RIMKLB: variants seen among roughly 807,000 people sequenced by gnomAD.
RIMKLB encodes the protein beta-citrylglutamate synthase B.
A neutral mutation model predicts 32.0 loss-of-function variants in RIMKLB; 7 were observed. The ratio of observed to expected loss-of-function variants is 0.22; its 90% CI spans 0.12 to 0.41. The LOEUF (loss-of-function observed/expected upper bound fraction) is 0.41. Ranked by LOEUF, RIMKLB falls within the 10% of genes least tolerant of loss-of-function variation. The pLI, the probability that RIMKLB is intolerant of heterozygous loss-of-function variation, is 1.00. For missense variants in RIMKLB, 289 were observed against 498.7 expected (o/e 0.58, Z 4.00); for synonymous variants, 172 against 185.1 (o/e 0.93, Z 0.57).
At chr12:8,669,404 G>T in the RIMKLB span, among the ~76,000 whole-genome samples, 1 of 151,614 alleles carries the variant, frequency 6.6e-6, no homozygotes, top group East Asian at 1.9e-4. Context: ...GATTTGGAGG[G>T]GCCAAACCAT....
chr12:8,670,196 C>G, the RIMKLB span, among the ~76,000 whole-genome samples: 2 of 152,088 alleles, frequency 1.3e-5, no homozygotes, highest in Admixed American at 6.6e-5. Flanking sequence ...CATGTCCTCA[C>G]ATTTCAGAAC....
At chr12:8,689,024 CAG>C (rs1171646983) in intron 1 of RIMKLB, among the ~76,000 whole-genome samples, 6 of 152,118 alleles carry the variant, frequency 3.9e-5, no homozygotes, top group Non-Finnish European at 1.5e-5. Context: ...TTAGTAGAGA[CAG>C]GGTTTCGCCA....
the RIMKLB span, among the ~76,000 whole-genome samples, chr12:8,675,392 C>T: frequency 6.6e-6 from 1 of 152,050 alleles, no homozygotes; most frequent in Non-Finnish European, 1.5e-5. Context: ...CTTCTGTTTA[C>T]TCTTAAGTGC....
chr12:8,701,816 C>T (rs1943426921), intron 1 of RIMKLB, among the ~76,000 whole-genome samples: 1 of 151,594 alleles, frequency 6.6e-6, no homozygotes, highest in Admixed American at 6.6e-5. Flanking sequence ...ACCAGCCTGG[C>T]CAAAATGGCA....
chr12:8,704,248 C>T (rs973040584), intron 1 of RIMKLB, among the ~76,000 whole-genome samples: 5 of 151,738 alleles, frequency 3.3e-5, no homozygotes, highest in African/African-American at 1.2e-4. Flanking sequence ...CCGGGTGTGG[C>T]GGTGTGTGCT....
chr12:8,774,514 T>C lies in RIMKLB; in HGVS notation c.*730T>C, dbSNP rs1213611678. 1.0e-6 allele frequency: 1 copy of C among 981,524 alleles called. No homozygotes were observed. The highest frequency in any genetic ancestry group is 6.2e-5 in the Admixed American group (1 of 16,246). The allele number at this position is 981,524 out of a possible 1,614,324, so 60.8% of individuals were successfully genotyped here. On this transcript the variant is annotated 3_prime_UTR_variant, in exon 6 of 6. Transcript: ENST00000535829. ...ATTACACTAGTTTAAAATATGTGCA[T>C]TCACTTGTATTTGTTAGTGTTTTAG...
At chr12:8,710,403 G>A (rs144969564) in intron 1 of RIMKLB, among the ~76,000 whole-genome samples, 3,817 of 150,454 alleles carry the variant, frequency 0.025, 81 homozygotes, top group Non-Finnish European at 0.035. Flanking sequence ...CGCCTCCTGG[G>A]TTCAAGCGAT....
intron 1 of RIMKLB, among the ~76,000 whole-genome samples, chr12:8,705,883 C>G (rs996096342): frequency 6.6e-6 from 1 of 152,106 alleles, no homozygotes; most frequent in African/African-American, 2.4e-5. Context: ...GGAAGAGTTC[C>G]TCCTCAGTTT....
Position 8,775,430 on chromosome 12 carries a change from A to T in RIMKLB, c.*1646A>T, listed in dbSNP as rs1027132721. The T allele has an allele frequency of 1.0e-6, 1 of 985,566 alleles. No homozygotes were observed. The highest frequency in any genetic ancestry group is 1.2e-6 in the Non-Finnish European group (1 of 829,902). The allele number at this position is 985,566 out of a possible 1,614,324, so 61.1% of individuals were successfully genotyped here. A position where few individuals can be genotyped will look rare whatever the true frequency, so the allele number is the denominator to read the frequency against. ...TTGGATGGTATGTTAAGAAATGGAG[A>T]TGCTGCAGAGCCCAACGTAATTTTT... On this transcript the variant is annotated 3_prime_UTR_variant, in exon 6 of 6. Coordinates refer to ENST00000535829, the MANE Select transcript of RIMKLB (RefSeq NM_001297776.2).
downstream of RIMKLB, among the ~76,000 whole-genome samples, chr12:8,781,342 CAAAT>C (rs1951019757): frequency 1.3e-5 from 2 of 152,154 alleles, no homozygotes; most frequent in African/African-American, 4.8e-5. Flanking sequence ...AACTCCATCT[CAAAT>C]AAATAAAAAT....
intron 1 of RIMKLB, among the ~76,000 whole-genome samples, chr12:8,701,104 C>T (rs1438634011): frequency 6.6e-6 from 1 of 151,974 alleles, no homozygotes; most frequent in Non-Finnish European, 1.5e-5. Flanking sequence ...TTATTAGAAT[C>T]TGAGGGAGGA....
chr12:8,684,738 G>A (rs1425900077), intron 1 of RIMKLB, among the ~76,000 whole-genome samples: 6 of 152,014 alleles, frequency 3.9e-5, no homozygotes, highest in Admixed American at 6.6e-5. Flanking sequence ...CTCTCACCTC[G>A]GTCTCCTAAG....
chr12:8,710,876 C>T (rs895905044), intron 1 of RIMKLB, among the ~76,000 whole-genome samples: 2 of 151,168 alleles, frequency 1.3e-5, no homozygotes, highest in Non-Finnish European at 2.9e-5. Context: ...AGCCATAACC[C>T]CAGCACTTTG....
At chr12:8,778,260 G>GTT (rs1344116449), downstream of RIMKLB, among the ~76,000 whole-genome samples, 1 of 152,028 alleles carries the variant, frequency 6.6e-6, no homozygotes, top group Non-Finnish European at 1.5e-5. Context: ...TAGGCTCTAG[G>GTT]TTATATATAT....
intron 2 of RIMKLB, among the ~76,000 whole-genome samples, chr12:8,728,426 G>C (rs1430165337): frequency 6.6e-6 from 1 of 152,114 alleles, no homozygotes; most frequent in Non-Finnish European, 1.5e-5. Context: ...ATGAGCCTTT[G>C]CTACTGGACT....
chr12:8,755,439 T>C (rs1195279570), intron 5 of RIMKLB, among the ~76,000 whole-genome samples: 1 of 152,170 alleles, frequency 6.6e-6, no homozygotes, highest in Non-Finnish European at 1.5e-5. Flanking sequence ...TTTTCTGATT[T>C]AGACCCAAAT....
upstream of RIMKLB, among the ~76,000 whole-genome samples, chr12:8,696,173 T>C (rs943717328): frequency 6.6e-6 from 1 of 152,110 alleles, no homozygotes; most frequent in Admixed American, 6.5e-5. Flanking sequence ...TACATTTTTT[T>C]CCCTGTGTCA....
At chr12:8,684,134 C>A (rs116616924) in intron 1 of RIMKLB, among the ~76,000 whole-genome samples, 2 of 151,614 alleles carry the variant, frequency 1.3e-5, no homozygotes, top group Admixed American at 1.3e-4. Flanking sequence ...CCTTTGGTGT[C>A]GTATCTAAAA....
chr12:8,744,226 C>G (rs745466757), intron 2 of RIMKLB, among the ~76,000 whole-genome samples: 1 of 151,910 alleles, frequency 6.6e-6, no homozygotes, highest in Non-Finnish European at 1.5e-5. Flanking sequence ...ATTCATCTTT[C>G]CAGCCTTGGA....
Sources: allele counts gnomAD v4.1 joint callset (sites outside exome capture counted in the v4.1 genomes callset), GRCh38; gene constraint gnomAD v4.1.1; transcripts MANE v1.5; gene names NCBI Gene and HGNC (gene_info 2026-07-23, HGNC 2026-07-21).